VPS35: variants seen among roughly 807,000 people sequenced by gnomAD.
VPS35 encodes the protein VPS35 retromer complex component.
In VPS35, 21 loss-of-function variants were observed where a neutral mutation model predicts 98.1. The observed-to-expected ratio is 0.21, with a 90% CI of 0.15 to 0.31. The LOEUF is 0.31. Among genes scored for constraint, VPS35 ranks in the 10% least tolerant of loss-of-function variants. VPS35 has a pLI of 1.00. For missense variants in VPS35, 554 were observed against 950.8 expected, an observed-to-expected ratio of 0.58 and a Z score of 5.49; for synonymous variants, 268 against 318.2, an observed-to-expected ratio of 0.84 and a Z score of 1.68.
At position 46,662,410 on chromosome 16, in the gene VPS35, T is replaced by C. The variant is rs1965927007; in HGVS notation, c.1900A>G (p.Thr634Ala). ...CTGAAGCACTTCATCCTTTCAAAAG[T>C]GCCAATGATCAAGGTGATGGCAGCT... ...QLAAITLIIG[T>A]FERMKCFSEE... is the part of the protein sequence containing the mutation. Residue 634 changes from threonine to alanine, a missense_variant, in exon 15 of 17, where the codon ACT becomes GCT. Physicochemically the swap from Thr to Ala is moderately conservative, Grantham distance 58. Around this residue, in one of 5 missense-constraint regions of VPS35, gnomAD observed 153 missense variants for 211.0 expected, o/e 0.73. Coordinates refer to ENST00000299138, the MANE Select transcript of VPS35 (RefSeq NM_018206.6). 1.2e-6 allele frequency: 2 copies of C among 1,614,218 alleles called. No homozygotes were observed. Among genetic ancestry groups the C allele is most frequent in the Non-Finnish European group, 1.7e-6 (2 of 1,180,038 alleles).
chr16:46,665,203 G>A (rs1461333494), intron 13 of VPS35, among the ~76,000 whole-genome samples: 1 of 152,168 alleles, frequency 6.6e-6, no homozygotes, highest in Non-Finnish European at 1.5e-5. Flanking sequence ...TTTCTTAAAA[G>A]GTTCGCTGTT....
chr16:46,672,621 C>T lies in VPS35; in HGVS notation c.1161-149G>A. The stretch of plus-strand genomic sequence containing the variant: ...ATACCACCACAGAAGACTATAACAA[C>T]CTCCTTTCAGGAGGATAAAAATGCT... On this transcript the variant is annotated intron_variant, in intron 10 of 16. Transcript: ENST00000299138. The T allele has an allele frequency of 7.5e-6, 5 of 668,378 alleles. No homozygotes were observed. In the East Asian group the frequency reaches 1.1e-4, roughly 14 times the overall value. 41.4% of individuals were successfully genotyped at this position (668,378 alleles called of 1,614,324 possible).
chr16:46,669,422 T>C (rs556858649), intron 12 of VPS35, among the ~76,000 whole-genome samples: 4 of 152,194 alleles, frequency 2.6e-5, no homozygotes, highest in African/African-American at 7.2e-5. Flanking sequence ...TCCCAGCACT[T>C]TGGGAGGCCG....
chr16:46,665,043 A>G (rs895207758), intron 13 of VPS35, among the ~76,000 whole-genome samples: 3 of 152,178 alleles, frequency 2.0e-5, no homozygotes, highest in African/African-American at 7.2e-5. Flanking sequence ...TGGAAGTAAA[A>G]TTATTGAATA....
intron 12 of VPS35, among the ~76,000 whole-genome samples, chr16:46,670,503 C>T (rs543802325): frequency 1.3e-5 from 2 of 152,144 alleles, no homozygotes; most frequent in East Asian, 3.9e-4. Context: ...CATGCTGATC[C>T]TGAACTCCTG....
chr16:46,685,322 T>G (rs1312233693), intron 1 of VPS35, among the ~76,000 whole-genome samples: 1 of 152,198 alleles, frequency 6.6e-6, no homozygotes, highest in African/African-American at 2.4e-5. Context: ...ACATTTCATT[T>G]TGAGATTAAC....
chr16:46,677,423 G>A (rs1008988419), intron 6 of VPS35, 25 bp from the exon 7 acceptor site: 1 of 1,591,254 alleles, frequency 6.3e-7, no homozygotes, highest in East Asian at 2.2e-5. Context: ...ACACACATAA[G>A]GGTTAAAATC....
In VPS35 at chr16:46,668,987, T is replaced by C. The variant is rs775824787; in HGVS notation, c.1590A>G (p.Pro530=). 3 of 1,614,128 alleles carry C rather than the reference T, an allele frequency of 1.9e-6. No individual in the cohort carries two copies. Among genetic ancestry groups the C allele is most frequent in the Admixed American group, 3.3e-5 (2 of 60,008 alleles). The change falls in exon 13 of 17, where the codon CCA becomes CCG. Residue 530 remains proline (P), a synonymous_variant. Transcript: ENST00000299138. ...GGNQRIRFTL[P]PLVFAAYQLA... is the part of the protein sequence containing the mutation. ...GCTGGTAAGCTGCAAATACCAAAGG[T>C]GGCAGTGTGAAGCGAATCCGCTGAT... is the stretch of plus-strand genomic sequence containing the variant.
chr16:46,662,218 ATC>A, intron 15 of VPS35, 23 bp downstream of exon 15: 6 of 1,614,078 alleles, frequency 3.7e-6, no homozygotes, highest in Non-Finnish European at 5.1e-6. Flanking sequence ...CCTGTCTGCT[ATC>A]ATGCAGTCAG....
chr16:46,685,382 A>C (rs1966294943), intron 1 of VPS35, among the ~76,000 whole-genome samples: 1 of 152,184 alleles, frequency 6.6e-6, no homozygotes, highest in South Asian at 2.1e-4. Context: ...ATAGCTTATA[A>C]AAATTGAAAA....
intron 5 of VPS35, 58 bp downstream of exon 5, chr16:46,680,613 T>C (rs1394020971): frequency 1.5e-5 from 24 of 1,557,810 alleles, no homozygotes; most frequent in Middle Eastern, 3.3e-4. Context: ...TTCCACACTT[T>C]TATACATTCT....
intron 1 of VPS35, among the ~76,000 whole-genome samples, chr16:46,687,438 T>C (rs767223220): frequency 6.6e-6 from 1 of 152,180 alleles, no homozygotes; most frequent in Non-Finnish European, 1.5e-5. Context: ...CTATTAGCAA[T>C]ACCTTTTCTT....
chr16:46,680,659 A>G lies in VPS35; in HGVS notation c.506+12T>C. ...AAATATTGCAACAAAATTAAGAAAG[A>G]AAATCACTTACTCTGTTGGCTCTCC... is the stretch of plus-strand genomic sequence containing the variant. On this transcript the variant is annotated intron_variant, in intron 5 of 16. Coordinates refer to ENST00000299138, the MANE Select transcript of VPS35 (RefSeq NM_018206.6). 3 of 1,612,954 alleles carry G rather than the reference A, an allele frequency of 1.9e-6. No homozygotes were observed. The highest frequency in any genetic ancestry group is 2.5e-6 in the Non-Finnish European group (3 of 1,179,260).
intron 6 of VPS35, 123 bp from the exon 7 acceptor site, chr16:46,677,521 T>C (rs1966169993): frequency 1.2e-6 from 1 of 838,884 alleles, no homozygotes; most frequent in Non-Finnish European, 2.0e-6. Context: ...CACCAAGACT[T>C]CACTTCTAAA....
chr16:46,670,411 G>A (rs28439596), intron 12 of VPS35, among the ~76,000 whole-genome samples: 1 of 152,048 alleles, frequency 6.6e-6, no homozygotes, highest in South Asian at 2.1e-4. Context: ...AGTCTCCTGA[G>A]CAGCTAGGAT....
rs1966166868 is a variant in VPS35, at chr16:46,677,305, T to C, written c.804+10A>G. On this transcript the variant is annotated intron_variant, in intron 7 of 16. Coordinates refer to ENST00000299138, the MANE Select transcript of VPS35 (RefSeq NM_018206.6). ...GGTCGTTTAAAAAAAAATGAAATGT[T>C]CCCAGCTACCTGAATAATACACTCC... is the stretch of plus-strand genomic sequence containing the variant. 1 of 1,611,540 alleles carries C rather than the reference T, an allele frequency of 6.2e-7. No homozygotes were observed. Among genetic ancestry groups the C allele is most frequent in the African/African-American group, 1.3e-5 (1 of 74,856 alleles).
chr16:46,677,273 T>C, intron 7 of VPS35, 42 bp downstream of exon 7: 1 of 1,552,640 alleles, frequency 6.4e-7, no homozygotes, highest in Non-Finnish European at 8.9e-7. Context: ...TAATGAAAGA[T>C]AAAATAGGTC....
chr16:46,674,875 CCA>C (rs1966122612), intron 8 of VPS35, among the ~76,000 whole-genome samples: 1 of 151,924 alleles, frequency 6.6e-6, no homozygotes, highest in African/African-American at 2.4e-5. Flanking sequence ...AATGAAACCT[CCA>C]CCTGCTGAGC....
intron 13 of VPS35, among the ~76,000 whole-genome samples, chr16:46,667,664 G>A (rs1311435510): frequency 6.6e-6 from 1 of 152,078 alleles, no homozygotes; most frequent in Non-Finnish European, 1.5e-5. Flanking sequence ...TATGGTTTCA[G>A]GTCTTTAATC....
Sources: gnomAD v4.1 joint callset for allele counts (sites outside exome capture counted in the v4.1 genomes callset) on GRCh38, gnomAD v4.1.1 for gene constraint, gnomAD v4.1.1 regional missense constraint, MANE v1.5 for transcripts, NCBI Gene and HGNC (gene_info 2026-07-23, HGNC 2026-07-21) for gene names.